The following ZNF664 variants were observed in gnomAD, a reference collection of about 807,000 sequenced individuals.
ZNF664 encodes the protein zinc finger Organ of Corti 1.
In ZNF664, 10 loss-of-function variants were observed where a neutral mutation model predicts 18.2. That is an observed-to-expected ratio of 0.55 (90% CI 0.34 to 0.93). The LOEUF (loss-of-function observed/expected upper bound fraction) is 0.93, where lower values mean the gene tolerates loss of function less well. Ranked by LOEUF, ZNF664 falls within the 40% of genes least tolerant of loss-of-function variation. The probability of loss-of-function intolerance (pLI) is 0.02; values close to 1 mark genes in which losing one functional copy is unlikely to be tolerated. For synonymous variants in ZNF664, 119 were observed against 104.2 expected (o/e 1.14, Z -0.86); for missense variants, 193 against 319.0 (o/e 0.61, Z 3.01).
rs1957143294 is a variant in ZNF664 at position 124,012,306 on chromosome 12, A to C, written c.162A>C (p.Thr54=). Residue 54 remains threonine, a synonymous_variant, in exon 5 of 5, where the codon ACA becomes ACC. Coordinates refer to ENST00000337815, the MANE Select transcript of ZNF664 (RefSeq NM_152437.3). The part of the protein sequence containing the change: ...SELHIHWRDH[T]GEKVYKCDDC... ...TTCATATTCATTGGAGAGACCATACAGGAGAGAAGGTCTATAAATGTGATG... is the reference window on the plus strand; with the variant it reads ...TTCATATTCATTGGAGAGACCATACCGGAGAGAAGGTCTATAAATGTGATG... 5.0e-6 allele frequency: 8 copies of C among 1,614,250 alleles called. No individual in the cohort carries two copies. The highest frequency in any genetic ancestry group is 6.8e-6 in the Non-Finnish European group (8 of 1,180,044).
intron 2 of ZNF664, among the ~76,000 whole-genome samples, chr12:123,977,413 T>C (rs1281951522): frequency 7.0e-6 from 1 of 143,386 alleles, no homozygotes; most frequent in Non-Finnish European, 1.5e-5. Flanking sequence ...ATGTATAAAA[T>C]TAATAGCTTT....
chr12:123,974,922 G>A (rs76856465), intron 2 of ZNF664, among the ~76,000 whole-genome samples: 3,121 of 152,188 alleles, frequency 0.021, 104 homozygotes, highest in African/African-American at 0.071. Context: ...ATGAAATTTC[G>A]GTGATAGGAG....
intron 2 of ZNF664, 52 bp downstream of exon 2, chr12:123,974,072 G>T (rs1462779074): frequency 2.6e-6 from 3 of 1,152,576 alleles, no homozygotes; most frequent in South Asian, 4.4e-5. Flanking sequence ...GCCTCCGCAG[G>T]CGTTCTCACC....
At chr12:123,988,272 C>T (rs1030030753) in intron 3 of ZNF664, 134 bp downstream of exon 3, 6 of 731,044 alleles carry the variant, frequency 8.2e-6, no homozygotes, top group South Asian at 7.3e-5. Flanking sequence ...TCTCCGTGCA[C>T]GCTCTTCCTG....
chr12:123,987,849 A>T, intron 2 of ZNF664, 194 bp from the exon 3 acceptor site: 1 of 557,502 alleles, frequency 1.8e-6, no homozygotes, highest in African/African-American at 2.1e-5. Context: ...GTGGTTTCTC[A>T]GATTTGCTCA....
intron 1 of ZNF664, 152 bp downstream of exon 1, chr12:123,973,504 C>A (rs950773785): frequency 2.7e-5 from 12 of 440,572 alleles, no homozygotes; most frequent in Non-Finnish European, 3.6e-5. Flanking sequence ...CTCGGGATGG[C>A]GGGGAAGGTC....
chr12:123,974,598 A>G (rs1314679046), intron 2 of ZNF664: 3 of 152,252 alleles, frequency 2.0e-5, no homozygotes, highest in African/African-American at 7.2e-5. Context: ...CATATCACAG[A>G]GATGGCATTT....
intron 2 of ZNF664, among the ~76,000 whole-genome samples, chr12:123,975,517 T>G (rs1349959648): frequency 1.3e-5 from 2 of 151,970 alleles, no homozygotes; most frequent in Non-Finnish European, 2.9e-5. Context: ...CTGGGACTCC[T>G]GGGCTCAAGT....
At chr12:123,993,823 G>T (rs558559670) in intron 3 of ZNF664, among the ~76,000 whole-genome samples, 1 of 136,652 alleles carries the variant, frequency 7.3e-6, no homozygotes, top group South Asian at 2.2e-4. Context: ...TTTGATTTCT[G>T]GGACTTCCTG....
intron 2 of ZNF664, among the ~76,000 whole-genome samples, chr12:123,976,688 C>T (rs994255803): frequency 6.6e-6 from 1 of 151,858 alleles, no homozygotes; most frequent in African/African-American, 2.4e-5. Context: ...ACCAGGTTGG[C>T]CATCTCAGAG....
chr12:124,005,483 A>ATGTGTGTGTGTGTGTGTGTGTGTG, intron 3 of ZNF664, among the ~76,000 whole-genome samples: 1 of 142,926 alleles, frequency 7.0e-6, no homozygotes, highest in Admixed American at 7.0e-5. Context: ...AATTTATAGA[A>ATGTGTGTGTGTGTGTGTGTGTGTG]TGTGTGTGTG....
At chr12:123,980,184 T>G (rs745659233) in intron 2 of ZNF664, among the ~76,000 whole-genome samples, 22 of 152,328 alleles carry the variant, frequency 1.4e-4, no homozygotes, top group Middle Eastern at 3.4e-3. Flanking sequence ...TGAAAACATT[T>G]AATTCTGATT....
In ZNF664 at chr12:124,014,176, G is replaced by T. The variant is rs544206786; in HGVS notation, c.*1246G>T. ...AACTAGGGTGATGATTTTAGTGGTG[G>T]GGTGGGGTGGGGGTGGGGTGACATT... On this transcript the variant is annotated 3_prime_UTR_variant, in exon 5 of 5. Transcript: ENST00000337815. 2.4e-5 allele frequency: 4 copies of T among 166,794 alleles called. No individual in the cohort carries two copies. Among genetic ancestry groups the T allele is most frequent in the East Asian group, 1.9e-4 (1 of 5,180 alleles). The allele number at this position is 166,794 out of a possible 1,614,324, so 10.3% of individuals were successfully genotyped here.
intron 3 of ZNF664, among the ~76,000 whole-genome samples, chr12:124,008,048 C>T (rs951250433): frequency 2.6e-5 from 4 of 152,188 alleles, no homozygotes; most frequent in African/African-American, 4.8e-5. Flanking sequence ...TGGTTTGCTT[C>T]AGATTGCAAA....
chr12:124,012,368 A>G lies in ZNF664; in HGVS notation c.224A>G (p.Asn75Ser). The change falls in exon 5 of 5, where the codon AAT becomes AGT. Residue 75 changes from asparagine to serine, a missense_variant. Asn to Ser is a conservative substitution (Grantham distance 46). This residue lies in a region of ZNF664 where 90 missense variants were observed against 118.9 expected (regional missense o/e 0.76). Coordinates refer to ENST00000337815, the MANE Select transcript of ZNF664 (RefSeq NM_152437.3). Reference protein sequence around the residue: ...GKDFSTTTKLNRHKKIHTVEK... With the variant: ...GKDFSTTTKLSRHKKIHTVEK... ...GATTTTAGCACTACAACAAAACTTAATAGACATAAGAAAATCCACACAGTG... is the reference window on the plus strand; with the variant it reads ...GATTTTAGCACTACAACAAAACTTAGTAGACATAAGAAAATCCACACAGTG... 6.2e-7 allele frequency: 1 copy of G among 1,614,236 alleles called. No individual in the cohort carries two copies. Among genetic ancestry groups the G allele is most frequent in the Non-Finnish European group, 8.5e-7 (1 of 1,180,046 alleles).
intron 2 of ZNF664, among the ~76,000 whole-genome samples, chr12:123,979,559 G>A (rs1297065121): frequency 6.6e-6 from 1 of 152,112 alleles, no homozygotes; most frequent in Non-Finnish European, 1.5e-5. Flanking sequence ...GAGAACATAC[G>A]TTAATATAAA....
intron 3 of ZNF664, among the ~76,000 whole-genome samples, chr12:124,006,938 G>A (rs889112108): frequency 2.0e-5 from 3 of 152,162 alleles, no homozygotes; most frequent in African/African-American, 4.8e-5. Flanking sequence ...CCTTGGGAAC[G>A]TGGTGTGTTC....
In ZNF664 at chr12:124,012,934, G is replaced by A. The variant is rs780459727; in HGVS notation, c.*4G>A. 5 of 1,610,866 alleles carry A rather than the reference G, an allele frequency of 3.1e-6. No homozygotes were observed. The highest frequency in any genetic ancestry group is 2.7e-5 in the African/African-American group (2 of 74,602). On this transcript the variant is annotated 3_prime_UTR_variant, in exon 5 of 5. Coordinates refer to ENST00000337815, the MANE Select transcript of ZNF664 (RefSeq NM_152437.3). ...TCTCAAAATATCAGTTATATAAAACGTTTTGCTAAGAGTTTAAAATCTTAA... is the reference window on the plus strand; with the variant it reads ...TCTCAAAATATCAGTTATATAAAACATTTTGCTAAGAGTTTAAAATCTTAA...
At chr12:123,999,064 T>C (rs1029077732) in intron 3 of ZNF664, among the ~76,000 whole-genome samples, 3 of 152,242 alleles carry the variant, frequency 2.0e-5, no homozygotes, top group African/African-American at 7.2e-5. Context: ...TTATGATTAC[T>C]GGCTTAGTGC....
Sources: allele counts gnomAD v4.1 joint callset (sites outside exome capture counted in the v4.1 genomes callset), GRCh38; gene constraint gnomAD v4.1.1; regional missense constraint gnomAD v4.1.1; transcripts MANE v1.5; gene names NCBI Gene and HGNC (gene_info 2026-07-23, HGNC 2026-07-21).